Variants in NFKB2 observed in about 807,000 individuals in gnomAD.
NFKB2 encodes the protein nuclear factor kappa B subunit 2, also known as nuclear factor NF-kappa-B p100 subunit.
In NFKB2, 21 loss-of-function variants were observed where a neutral mutation model predicts 109.3. The ratio of observed to expected loss-of-function variants is 0.19; its 90% CI spans 0.14 to 0.28. The LOEUF (loss-of-function observed/expected upper bound fraction) is 0.28. Ranked by LOEUF, NFKB2 falls within the 10% of genes least tolerant of loss-of-function variation. The pLI is 1.00. For synonymous variants in NFKB2, 478 were observed against 489.9 expected (o/e 0.98, Z 0.32); for missense variants, 806 against 1,185.3 (o/e 0.68, Z 4.70).
In NFKB2 at chr10:102,401,986, C is replaced by T; in HGVS notation, c.2467-62C>T. The T allele has an allele frequency of 1.3e-6, 2 of 1,582,432 alleles. No homozygotes were observed. Among genetic ancestry groups the T allele is most frequent in the African/African-American group, 1.3e-5 (1 of 74,382 alleles). On this transcript the variant is annotated intron_variant, in intron 21 of 22. Transcript: ENST00000661543. The surrounding 1 kb of genome is among the most constrained non-coding windows in gnomAD (Gnocchi z 4.2). ...GATCTGAGTCCAGGTGCCTCCTTGG[C>T]CCCAGGGCTCCCGAGCACATGCCCT...
chr10:102,396,166 A>T lies in NFKB2; in HGVS notation c.22-87A>T. On this transcript the variant is annotated intron_variant, in intron 2 of 22. Transcript: ENST00000661543. This position sits in a 1 kb window ranked among gnomAD's most constrained non-coding sequence, Gnocchi z 5.9. ...CTCTTGGGTCTGAGGAGGAGGGGGG[A>T]GTGACCACTGAAGACTTGGAGATGG... is the stretch of plus-strand genomic sequence containing the variant. 16 of 1,476,498 alleles carry T rather than the reference A, an allele frequency of 1.1e-5. No homozygotes were observed. Among genetic ancestry groups the T allele is most frequent in the Non-Finnish European group, 1.5e-5 (16 of 1,067,846 alleles). 91.5% of individuals were successfully genotyped at this position (1,476,498 alleles called of 1,614,324 possible).
chr10:102,400,365 C>T lies in NFKB2; in HGVS notation c.1672C>T (p.Arg558Trp), dbSNP rs749409186. 2 of 1,613,784 alleles carry T rather than the reference C, an allele frequency of 1.2e-6. No individual in the cohort carries two copies. Among genetic ancestry groups the T allele is most frequent in the Non-Finnish European group, 1.7e-6 (2 of 1,180,004 alleles). ...AGGTGCAGACCCAGCTCTGCTGGAT[C>T]GGCATGGAGACTCAGCCATGCATCT... ...RVGADPALLD[R>W]HGDSAMHLAL... The change falls in exon 16 of 23, where the codon CGG becomes TGG. Residue 558 changes from arginine (R) to tryptophan (W), a missense_variant. Physicochemically the swap from Arg to Trp is moderately radical, Grantham distance 101 (BLOSUM62 -3). Transcript: ENST00000661543. This position sits in a 1 kb window ranked among gnomAD's most constrained non-coding sequence, Gnocchi z 6.3.
In NFKB2 at chr10:102,398,192, A is replaced by C; in HGVS notation, c.767-20A>C. ...GAGATTCCACCGGGAGCTGTGGCCA[A>C]GCTTCCGTTTTCCTTGTAGATGACA... On this transcript the variant is annotated intron_variant, in intron 9 of 22. Transcript: ENST00000661543. The surrounding 1 kb of genome is among the most constrained non-coding windows in gnomAD (Gnocchi z 6.6). 6.2e-7 allele frequency: 1 copy of C among 1,614,046 alleles called. No homozygotes were observed. Among genetic ancestry groups the C allele is most frequent in the Non-Finnish European group, 8.5e-7 (1 of 1,179,936 alleles).
In NFKB2 at chr10:102,401,941, C is replaced by T. The variant is rs564943127; in HGVS notation, c.2466+24C>T. Reference sequence around the variant, plus strand: ...AGGTGGGTTGGCCTGTGCCCTGCCCCCTCCCCAGCCTCCTTTCCCGATCTG... The same window carrying T: ...AGGTGGGTTGGCCTGTGCCCTGCCCTCTCCCCAGCCTCCTTTCCCGATCTG... On this transcript the variant is annotated intron_variant, in intron 21 of 22. Coordinates refer to ENST00000661543, the MANE Select transcript of NFKB2 (RefSeq NM_001322934.2). This position sits in a 1 kb window ranked among gnomAD's most constrained non-coding sequence, Gnocchi z 4.2. The T allele has an allele frequency of 7.5e-6, 12 of 1,600,904 alleles. No individual in the cohort carries two copies. Among genetic ancestry groups the T allele is most frequent in the Non-Finnish European group, 9.4e-6 (11 of 1,172,396 alleles).
At position 102,402,332 on chromosome 10, in the gene NFKB2, C is replaced by T. The variant is rs1468754412; in HGVS notation, c.2659C>T (p.Pro887Ser). The T allele has an allele frequency of 1.3e-6, 2 of 1,571,598 alleles. No homozygotes were observed. Among genetic ancestry groups the T allele is most frequent in the Non-Finnish European group, 8.6e-7 (1 of 1,158,906 alleles). Residue 887 changes from proline (P) to serine (S), a missense_variant, in exon 23 of 23, where the codon CCA becomes TCA. By Grantham distance (74) the Pro-to-Ser change is moderately conservative (BLOSUM62 -1). This residue lies in a region of NFKB2 where 211 missense variants were observed against 268.7 expected (regional missense o/e 0.79). Transcript: ENST00000661543. ...GAAGCTGGGCCCACCCCCTGAGCCACCAGGAGGGCTCTGCCACGGGCACCC... is the reference window on the plus strand; with the variant it reads ...GAAGCTGGGCCCACCCCCTGAGCCATCAGGAGGGCTCTGCCACGGGCACCC... ...AEKLGPPPEP[P>S]GGLCHGHPQP...
At position 102,396,513 on chromosome 10, in the gene NFKB2, T is replaced by C; in HGVS notation, c.144+24T>C. The C allele has an allele frequency of 6.2e-7, 1 of 1,613,498 alleles. No individual in the cohort carries two copies. Among genetic ancestry groups the C allele is most frequent in the Non-Finnish European group, 8.5e-7 (1 of 1,179,960 alleles). On this transcript the variant is annotated intron_variant, in intron 4 of 22. Transcript: ENST00000661543. The surrounding 1 kb of genome is among the most constrained non-coding windows in gnomAD (Gnocchi z 5.9). ...AGGTGAGTGAGCAAAAGGGAGGGTG[T>C]GGAATGGCTTCAGCTTTGGGGACAA...
chr10:102,401,269 G>T lies in NFKB2; in HGVS notation c.2161G>T (p.Glu721Ter). The stretch of plus-strand genomic sequence containing the variant: ...TAGCGACTCGGACTCTGAAGGGCCT[G>T]AGAAGGACACCCGAAGCAGCTTCCG... ...SDSDSDSEGP[E>*]KDTRSSFRGH... is the part of the protein sequence containing the mutation. Residue 721 changes from glutamate to a stop codon, truncating the protein, a stop_gained, in exon 19 of 23, where the codon GAG becomes TAG. Coordinates refer to ENST00000661543, the MANE Select transcript of NFKB2 (RefSeq NM_001322934.2). LOFTEE classifies it high-confidence loss of function. The surrounding 1 kb of genome is among the most constrained non-coding windows in gnomAD (Gnocchi z 4.2). The T allele has an allele frequency of 6.2e-7, 1 of 1,612,160 alleles. No individual in the cohort carries two copies. Among genetic ancestry groups the T allele is most frequent in the South Asian group, 1.1e-5 (1 of 90,820 alleles).
In NFKB2 at chr10:102,400,863, G is replaced by T. The variant is rs1410601454; in HGVS notation, c.1968+39G>T. 6.3e-7 allele frequency: 1 copy of T among 1,577,342 alleles called. No individual in the cohort carries two copies. Among genetic ancestry groups the T allele is most frequent in the Non-Finnish European group, 8.6e-7 (1 of 1,159,670 alleles). On this transcript the variant is annotated intron_variant, in intron 17 of 22. Transcript: ENST00000661543. This position sits in a 1 kb window ranked among gnomAD's most constrained non-coding sequence, Gnocchi z 6.3. ...TTGTGGAAGGAGTGGGGCCAAGGGT[G>T]GTGGAGGGGCCAAAGATGGTGAAGG...
Position 102,400,233 on chromosome 10 carries a change from A to C in NFKB2, c.1584+39A>C. 6.2e-7 allele frequency: 1 copy of C among 1,613,928 alleles called. No homozygotes were observed. Among genetic ancestry groups the C allele is most frequent in the Middle Eastern group, 1.6e-4 (1 of 6,062 alleles). On this transcript the variant is annotated intron_variant, in intron 15 of 22. Coordinates refer to ENST00000661543, the MANE Select transcript of NFKB2 (RefSeq NM_001322934.2). The surrounding 1 kb of genome is among the most constrained non-coding windows in gnomAD (Gnocchi z 6.3). ...TACTGGGGAGGTGGGAGGGGTTGGA[A>C]GGCAAGTGGGTCTCGGGCCTGGCTC...
chr10:102,394,824 G>GTCGCAC (rs1408134407), upstream of NFKB2: 5 of 152,332 alleles, frequency 3.3e-5, no homozygotes, highest in Admixed American at 1.3e-4. Flanking sequence ...CGTCCGTGCA[G>GTCGCAC]TCGCACTCGC....
Position 102,395,911 on chromosome 10 carries a change from G to A in NFKB2, c.-49G>A, listed in dbSNP as rs2061100360. On this transcript the variant is annotated 5_prime_UTR_variant, in exon 2 of 23. Transcript: ENST00000661543. ...AGGCGGGCGTCTAAAATTCTGGGAA[G>A]CAGAACCTGGCCGGAGCCACTAGAC... 6.2e-7 allele frequency: 1 copy of A among 1,605,072 alleles called. No homozygotes were observed. The highest frequency in any genetic ancestry group is 8.5e-7 in the Non-Finnish European group (1 of 1,177,038).
Position 102,396,918 on chromosome 10 carries a change from G to A in NFKB2, c.258G>A (p.Glu86=). 1 of 1,603,744 alleles carries A rather than the reference G, an allele frequency of 6.2e-7. No homozygotes were observed. The highest frequency in any genetic ancestry group is 8.5e-7 in the Non-Finnish European group (1 of 1,171,258). The change falls in exon 6 of 23, where the codon GAG becomes GAA. Residue 86 remains glutamate (E), a synonymous_variant. Transcript: ENST00000661543. The surrounding 1 kb of genome is among the most constrained non-coding windows in gnomAD (Gnocchi z 5.9). ...TYPTVKICNY[E]GPAKIEVDLV... is the part of the protein sequence containing the mutation. The stretch of plus-strand genomic sequence containing the variant: ...GCCTCTCCTAGATCTGTAACTACGA[G>A]GGACCAGCCAAGATCGAGGTGGACC...
In NFKB2 at chr10:102,398,481, G is replaced by A. The variant is rs774883942; in HGVS notation, c.949G>A (p.Val317Met). 6.2e-6 allele frequency: 10 copies of A among 1,614,186 alleles called. No homozygotes were observed. Among genetic ancestry groups the A allele is most frequent in the Middle Eastern group, 1.6e-4 (1 of 6,062 alleles). The stretch of plus-strand genomic sequence containing the variant: ...ACTGAAACGCAAGCGAGGAGGGGAC[G>A]TGTCTGATTCCAAACAGTTCACCTA... ...LQLKRKRGGD[V>M]SDSKQFTYYP... Residue 317 changes from valine (V) to methionine (M), a missense_variant, in exon 11 of 23, where the codon GTG becomes ATG. Val to Met is a conservative substitution (Grantham distance 21). Around this residue, in one of 10 missense-constraint regions of NFKB2, gnomAD observed 64 missense variants for 177.4 expected, o/e 0.36. Transcript: ENST00000661543. This position sits in a 1 kb window ranked among gnomAD's most constrained non-coding sequence, Gnocchi z 6.6.
At position 102,400,411 on chromosome 10, in the gene NFKB2, G is replaced by T; in HGVS notation, c.1718G>T (p.Gly573Val). ...AMHLALRAGA[G>V]APELLRALLQ... ...CATCTGGCGCTGCGGGCAGGCGCTG[G>T]TGCTCCTGAGCTGCTGCGTGCACTG... is the stretch of plus-strand genomic sequence containing the variant. Residue 573 changes from glycine to valine, a missense_variant, in exon 16 of 23, where the codon GGT becomes GTT. By Grantham distance (109) the Gly-to-Val change is moderately radical. This residue lies in a region of NFKB2 where 163 missense variants were observed against 207.1 expected (regional missense o/e 0.79). Transcript: ENST00000661543. The surrounding 1 kb of genome is among the most constrained non-coding windows in gnomAD (Gnocchi z 6.3). 6.2e-7 allele frequency: 1 copy of T among 1,613,100 alleles called. No individual in the cohort carries two copies. Among genetic ancestry groups the T allele is most frequent in the Non-Finnish European group, 8.5e-7 (1 of 1,180,022 alleles).
At chr10:102,399,553 A>T in intron 13 of NFKB2, 24 bp from the exon 14 acceptor site, 2 of 1,544,820 alleles carry the variant, frequency 1.3e-6, no homozygotes, top group Non-Finnish European at 8.7e-7. Context: ...CCTAGCCCTG[A>T]CCCACGCCCT....
At chr10:102,399,898 A>ACCCCTTG in intron 14 of NFKB2, 180 bp downstream of exon 14, 1 of 1,086,714 alleles carries the variant, frequency 9.2e-7, no homozygotes, top group Non-Finnish European at 1.3e-6. Flanking sequence ...TGCAAGGGGT[A>ACCCCTTG]CAGTCATAGC....
upstream of NFKB2, among the ~76,000 whole-genome samples, chr10:102,395,258 T>A (rs1327741605): frequency 6.6e-6 from 1 of 152,080 alleles, no homozygotes; most frequent in Non-Finnish European, 1.5e-5. Context: ...AGAATCGCGT[T>A]CTCGGGGCAG....
Position 102,401,169 on chromosome 10 carries a change from C to A in NFKB2, c.2072-11C>A, listed in dbSNP as rs768805741. 2 of 1,590,220 alleles carry A rather than the reference C, an allele frequency of 1.3e-6. No individual in the cohort carries two copies. The highest frequency in any genetic ancestry group is 1.7e-6 in the Non-Finnish European group (2 of 1,164,688). ...CCACCATACCGCCCCATGACGGCCTCCCTCTCCCAGGTGCTGACATCCATG... is the reference window on the plus strand; with the variant it reads ...CCACCATACCGCCCCATGACGGCCTACCTCTCCCAGGTGCTGACATCCATG... On this transcript the variant is annotated splice_polypyrimidine_tract_variant and intron_variant, in intron 18 of 22. Transcript: ENST00000661543. The surrounding 1 kb of genome is among the most constrained non-coding windows in gnomAD (Gnocchi z 4.2).
rs1327226967 is a variant in NFKB2, at chr10:102,397,931, G to A, written c.662-50G>A. 3 of 1,576,904 alleles carry A rather than the reference G, an allele frequency of 1.9e-6. No individual in the cohort carries two copies. The highest frequency in any genetic ancestry group is 8.7e-7 in the Non-Finnish European group (1 of 1,147,238). On this transcript the variant is annotated intron_variant, in intron 8 of 22. Coordinates refer to ENST00000661543, the MANE Select transcript of NFKB2 (RefSeq NM_001322934.2). The surrounding 1 kb of genome is among the most constrained non-coding windows in gnomAD (Gnocchi z 4.7). The stretch of plus-strand genomic sequence containing the variant: ...ATACAAAGCCCCCAGCTTCTTAAAT[G>A]TGGCCTTGGCTATTGCATCATCTCA...
Sources: gnomAD v4.1 joint callset for allele counts (sites outside exome capture counted in the v4.1 genomes callset) on GRCh38, gnomAD v4.1.1 for gene constraint, gnomAD v4.1.1 regional missense constraint, Gnocchi (gnomAD v3.1) non-coding constraint, MANE v1.5 for transcripts, NCBI Gene and HGNC (gene_info 2026-07-23, HGNC 2026-07-21) for gene names.